The following DLGAP1 variants were observed in gnomAD, a reference collection of about 807,000 sequenced individuals.
DLGAP1 encodes DLG associated protein 1.
In DLGAP1, 11 loss-of-function variants were observed where a neutral mutation model predicts 90.8. The ratio of observed to expected loss-of-function variants is 0.12; its 90% confidence interval spans 0.08 to 0.20. The LOEUF is 0.20. Among genes scored for constraint, DLGAP1 ranks in the 10% least tolerant of loss-of-function variants. The probability of loss-of-function intolerance (pLI) is 1.00; values close to 1 mark genes in which losing one functional copy is unlikely to be tolerated. For missense variants in DLGAP1, 1,050 were observed against 1,333.8 expected, an observed-to-expected ratio of 0.79 and a Z score of 3.31; for synonymous variants, 558 against 540.7, an observed-to-expected ratio of 1.03 and a Z score of -0.44.
intron 7 of DLGAP1, among the ~76,000 whole-genome samples, chr18:3,701,183 T>G (rs1250721537): frequency 6.6e-6 from 1 of 152,156 alleles, no homozygotes; most frequent in East Asian, 1.9e-4. Context: ...CCTGGCCTGA[T>G]GATGGCTTTT....
intron 2 of DLGAP1, among the ~76,000 whole-genome samples, chr18:4,025,902 T>C (rs1354005645): frequency 6.6e-6 from 1 of 152,196 alleles, no homozygotes; most frequent in Non-Finnish European, 1.5e-5. Context: ...TGAAACAATC[T>C]CTTGTTATGA....
chr18:3,614,396 G>C (rs1200198437), intron 7 of DLGAP1, among the ~76,000 whole-genome samples: 1 of 152,098 alleles, frequency 6.6e-6, no homozygotes, highest in Non-Finnish European at 1.5e-5. Flanking sequence ...AGAAAATGCT[G>C]TAAAAATTAA....
intron 5 of DLGAP1, among the ~76,000 whole-genome samples, chr18:3,797,141 G>T (rs1598784818): frequency 1.3e-5 from 2 of 152,134 alleles, no homozygotes; most frequent in East Asian, 3.9e-4. Flanking sequence ...AGACCATCCT[G>T]GCTAACATGG....
At chr18:4,414,362 T>C (rs985974251) in intron 1 of DLGAP1, among the ~76,000 whole-genome samples, 2 of 152,202 alleles carry the variant, frequency 1.3e-5, no homozygotes, top group Non-Finnish European at 2.9e-5. Context: ...CACAGAATAA[T>C]TGTATTTATA....
At chr18:4,117,179 G>A (rs914744429) in intron 2 of DLGAP1, among the ~76,000 whole-genome samples, 1 of 152,086 alleles carries the variant, frequency 6.6e-6, no homozygotes, top group Non-Finnish European at 1.5e-5. Context: ...AGGAGAGAGG[G>A]CTCAAAAGAA....
chr18:4,432,738 C>T (rs1027613316), intron 1 of DLGAP1, among the ~76,000 whole-genome samples: 1 of 152,010 alleles, frequency 6.6e-6, no homozygotes, highest in Admixed American at 6.6e-5. Flanking sequence ...TGAATCTTTG[C>T]ACTCTTAATC....
At chr18:3,834,274 C>T (rs1032325997) in intron 4 of DLGAP1, among the ~76,000 whole-genome samples, 3 of 137,416 alleles carry the variant, frequency 2.2e-5, no homozygotes, top group Non-Finnish European at 4.5e-5. Flanking sequence ...CCACTGCACT[C>T]CAGCCTGGGA....
chr18:3,711,349 T>C lies in DLGAP1; in HGVS notation c.1591+17786A>G, dbSNP rs1019109670. ...ATCATATCACTATGAATGATAAAAA[T>C]TGTGTTAAAGAATAGCCAGGTAAAT... On this transcript the variant is annotated intron_variant, in intron 7 of 12. Coordinates refer to ENST00000315677, the MANE Select transcript of DLGAP1 (RefSeq NM_004746.4). This position sits in a 1 kb window ranked among gnomAD's most constrained non-coding sequence, Gnocchi z 4.0. Among the ~76,000 whole-genome samples, 8 of 152,196 alleles carry C rather than the reference T, an allele frequency of 5.3e-5. No homozygotes were observed. Among genetic ancestry groups the C allele is most frequent in the Non-Finnish European group, 1.0e-4 (7 of 68,038 alleles).
At chr18:4,417,367 T>C (rs1342162137) in intron 1 of DLGAP1, among the ~76,000 whole-genome samples, 1 of 152,180 alleles carries the variant, frequency 6.6e-6, no homozygotes, top group Non-Finnish European at 1.5e-5. Flanking sequence ...TTAAAATGAA[T>C]TGATAAATAT....
At chr18:4,052,489 G>A (rs1026340668) in intron 2 of DLGAP1, among the ~76,000 whole-genome samples, 3 of 152,128 alleles carry the variant, frequency 2.0e-5, no homozygotes, top group African/African-American at 7.2e-5. Context: ...CTGGGACACA[G>A]TCCCGAGGCT....
chr18:3,552,650 T>G (rs977292495), intron 9 of DLGAP1, among the ~76,000 whole-genome samples: 1 of 152,186 alleles, frequency 6.6e-6, no homozygotes, highest in Admixed American at 6.5e-5. Context: ...ATAGTCACCC[T>G]GCTCTCAACT....
intron 7 of DLGAP1, among the ~76,000 whole-genome samples, chr18:3,677,215 A>G (rs559068714): frequency 2.0e-5 from 3 of 152,248 alleles, no homozygotes; most frequent in African/African-American, 7.2e-5. Flanking sequence ...TCCATTTCTA[A>G]ATTATGGAAG....
intron 2 of DLGAP1, among the ~76,000 whole-genome samples, chr18:4,065,226 T>G (rs1359842507): frequency 2.0e-5 from 3 of 152,140 alleles, no homozygotes; most frequent in African/African-American, 7.2e-5. Flanking sequence ...AACATTATAC[T>G]GAATGGGCAA....
intron 1 of DLGAP1, among the ~76,000 whole-genome samples, chr18:4,289,871 G>T (rs547236661): frequency 1.3e-3 from 202 of 152,202 alleles, no homozygotes; most frequent in African/African-American, 4.6e-3. Flanking sequence ...ACAGTAAATG[G>T]TATAAATCAT....
chr18:3,668,556 C>T lies in DLGAP1; in HGVS notation c.1591+60579G>A, dbSNP rs192091984. Among the ~76,000 whole-genome samples the T allele has an allele frequency of 2.5e-3, 385 of 151,780 alleles. 2 individuals carry two copies. The highest frequency in any genetic ancestry group is 8.8e-3 in the African/African-American group (366 of 41,412). On this transcript the variant is annotated intron_variant, in intron 7 of 12. Transcript: ENST00000315677. ...GGCTGGGGAAAAGTTTTTCATCTTCCGTACCTTCTTCTGTGCCTTTGGCAA... is the reference window on the plus strand; with the variant it reads ...GGCTGGGGAAAAGTTTTTCATCTTCTGTACCTTCTTCTGTGCCTTTGGCAA...
At chr18:3,747,617 G>T (rs893511718) in intron 5 of DLGAP1, among the ~76,000 whole-genome samples, 2 of 152,190 alleles carry the variant, frequency 1.3e-5, no homozygotes, top group Non-Finnish European at 2.9e-5. Flanking sequence ...TATATTCAAA[G>T]AAGAAGTGAA....
intron 10 of DLGAP1, among the ~76,000 whole-genome samples, chr18:3,518,167 G>C (rs1255668091): frequency 6.6e-6 from 1 of 152,120 alleles, no homozygotes; most frequent in Non-Finnish European, 1.5e-5. Context: ...GCCATTATTG[G>C]GTTATTAATT....
intron 10 of DLGAP1, among the ~76,000 whole-genome samples, chr18:3,532,346 G>A (rs374490248): frequency 3.9e-5 from 6 of 151,950 alleles, no homozygotes; most frequent in African/African-American, 7.2e-5. Flanking sequence ...TTGGGAGGCC[G>A]AGGCGGGTGG....
chr18:3,560,719 T>A (rs1258202744), intron 9 of DLGAP1, among the ~76,000 whole-genome samples: 2 of 151,188 alleles, frequency 1.3e-5, no homozygotes, highest in Non-Finnish European at 2.9e-5. Context: ...TCTACCATAT[T>A]TGTTACTACT....
Sources: gnomAD v4.1 joint callset for allele counts (sites outside exome capture counted in the v4.1 genomes callset) on GRCh38, gnomAD v4.1.1 for gene constraint, Gnocchi (gnomAD v3.1) non-coding constraint, MANE v1.5 for transcripts, NCBI Gene and HGNC (gene_info 2026-07-23, HGNC 2026-07-21) for gene names.